ZNF778: variants seen among roughly 807,000 people sequenced by gnomAD.
ZNF778 encodes zinc finger protein 778.
ZNF778 carries 37 observed loss-of-function variants against 23.9 expected under a neutral mutation model. The observed-to-expected ratio is 1.54, with a 90% confidence interval of 1.19 to 2.03. The LOEUF (loss-of-function observed/expected upper bound fraction) is 2.03. Ranked by LOEUF, ZNF778 falls within the 30% of genes most tolerant of loss-of-function variation. The pLI is 0.00. For missense variants in ZNF778, 1,297 were observed against 934.4 expected, an observed-to-expected ratio of 1.39 and a Z score of -5.06; for synonymous variants, 483 against 343.9, an observed-to-expected ratio of 1.40 and a Z score of -4.48.
In ZNF778 at chr16:89,235,841, C is replaced by T. The variant is rs2032218906; in HGVS notation, c.*7279C>T. 1 of 151,914 alleles carries T rather than the reference C, an allele frequency of 6.6e-6. No individual in the cohort carries two copies. The highest frequency in any genetic ancestry group is 1.5e-5 in the Non-Finnish European group (1 of 67,978). 9.4% of individuals were successfully genotyped at this position (151,914 alleles called of 1,614,324 possible). ...CTTAAGTTTGAAGAGGTTCCATGAG[C>T]CCCAGACAGGATAAACCTAAAGAAA... On this transcript the variant is annotated 3_prime_UTR_variant, in exon 7 of 7. Coordinates refer to ENST00000433976, the MANE Select transcript of ZNF778 (RefSeq NM_001201407.2).
chr16:89,223,573 G>A (rs1050348484), intron 4 of ZNF778, among the ~76,000 whole-genome samples: 14 of 152,258 alleles, frequency 9.2e-5, no homozygotes, highest in African/African-American at 3.4e-4. Flanking sequence ...AAGCCCTCCC[G>A]ACGATGCCAA....
rs1208616895 is a variant in ZNF778, at chr16:89,233,758, C to G, written c.*5196C>G. On this transcript the variant is annotated 3_prime_UTR_variant, in exon 7 of 7. Coordinates refer to ENST00000433976, the MANE Select transcript of ZNF778 (RefSeq NM_001201407.2). ...CACTGCATATGCAACTCAACTCGCACTGCGTATGCAACTCAACTCGCACTG... is the reference window on the plus strand; with the variant it reads ...CACTGCATATGCAACTCAACTCGCAGTGCGTATGCAACTCAACTCGCACTG... 1 of 1,237,726 alleles carries G rather than the reference C, an allele frequency of 8.1e-7. No individual in the cohort carries two copies. The highest frequency in any genetic ancestry group is 5.8e-5 in the East Asian group (1 of 17,384). 76.7% of individuals were successfully genotyped at this position (1,237,726 alleles called of 1,614,324 possible).
rs2031887947 is a variant in ZNF778 at position 89,230,903 on chromosome 16, A to G, written c.*2341A>G. 1 of 152,144 alleles carries G rather than the reference A, an allele frequency of 6.6e-6. No individual in the cohort carries two copies. The allele number at this position is 152,144 out of a possible 1,614,324, so 9.4% of individuals were successfully genotyped here. ...CGTCCACCTTCATGTCACGTGTTTG[A>G]AATTCTGGATGGACAGACCCATGCA... On this transcript the variant is annotated 3_prime_UTR_variant, in exon 7 of 7. Coordinates refer to ENST00000433976, the MANE Select transcript of ZNF778 (RefSeq NM_001201407.2).
rs1027396352 is a variant in ZNF778 at position 89,227,986 on chromosome 16, C to T, written c.1698C>T (p.Cys566=). Residue 566 remains cysteine, a synonymous_variant, in exon 7 of 7, where the codon TGC becomes TGT. Transcript: ENST00000433976. ...AGAAGCCCTTTATATGTACGGTATG[C>T]AGGAAATCCTTCAGAAATTCCTCGT... ...TEEKPFICTV[C]RKSFRNSSCL... 15 of 1,589,638 alleles carry T rather than the reference C, an allele frequency of 9.4e-6. No homozygotes were observed. The highest frequency in any genetic ancestry group is 1.3e-5 in the Non-Finnish European group (15 of 1,164,938).
In ZNF778 at chr16:89,229,905, C is replaced by G. The variant is rs1358847772; in HGVS notation, c.*1343C>G. ...TGATCCTGTGTGAGCAGCGTAGGCT[C>G]TGGTTGGTTAGTGTTGAGGATCCAG... On this transcript the variant is annotated 3_prime_UTR_variant, in exon 7 of 7. Transcript: ENST00000433976. 4.1e-6 allele frequency: 4 copies of G among 981,876 alleles called. No individual in the cohort carries two copies. Among genetic ancestry groups the G allele is most frequent in the East Asian group, 2.3e-4 (2 of 8,752 alleles). The allele number at this position is 981,876 out of a possible 1,614,324, so 60.8% of individuals were successfully genotyped here.
chr16:89,234,072 T>G lies in ZNF778; in HGVS notation c.*5510T>G. The G allele has an allele frequency of 7.6e-6, 5 of 661,228 alleles. No homozygotes were observed. The highest frequency in any genetic ancestry group is 1.2e-5 in the Non-Finnish European group (5 of 414,586). The allele number at this position is 661,228 out of a possible 1,614,324, so 41.0% of individuals were successfully genotyped here. A position where few individuals can be genotyped will look rare whatever the true frequency, so the allele number is the denominator to read the frequency against. On this transcript the variant is annotated 3_prime_UTR_variant, in exon 7 of 7. Coordinates refer to ENST00000433976, the MANE Select transcript of ZNF778 (RefSeq NM_001201407.2). The stretch of plus-strand genomic sequence containing the variant: ...TCTGCCTCCTGCCCAGCTCTGCAGC[T>G]CCCCTTGGGCCCTGCCTGGAGTGAT...
Position 89,227,903 on chromosome 16 carries a change from G to T in ZNF778, c.1615G>T (p.Gly539Trp), listed in dbSNP as rs2031643074. The change falls in exon 7 of 7, where the codon GGG (glycine) becomes TGG (tryptophan). Residue 539 changes from glycine to tryptophan, a missense_variant. Physicochemically the swap from Gly to Trp is radical, Grantham distance 184. Coordinates refer to ENST00000433976, the MANE Select transcript of ZNF778 (RefSeq NM_001201407.2). ...GEKPYECKDC[G>W]KAYNRVYLLN... is the part of the protein sequence containing the mutation. ...GAAGCCCTATGAATGTAAGGACTGT[G>T]GGAAAGCCTACAATAGGGTTTATCT... is the stretch of plus-strand genomic sequence containing the variant. The T allele has an allele frequency of 6.2e-7, 1 of 1,614,164 alleles. No homozygotes were observed. The highest frequency in any genetic ancestry group is 8.5e-7 in the Non-Finnish European group (1 of 1,180,018).
chr16:89,224,512 A>C (rs981452159), intron 4 of ZNF778: 1 of 463,622 alleles, frequency 2.2e-6, no homozygotes, highest in Non-Finnish European at 4.0e-6. Context: ...CCAGCTACTT[A>C]GGAGGCTGAG....
intron 1 of ZNF778, among the ~76,000 whole-genome samples, chr16:89,218,742 G>A (rs892247921): frequency 6.6e-6 from 1 of 152,158 alleles, no homozygotes; most frequent in Non-Finnish European, 1.5e-5. Context: ...AGTGAGCCGA[G>A]ATGGCGCCAC....
Position 89,223,263 on chromosome 16 carries a change from A to C in ZNF778, c.224A>C (p.Tyr75Ser), listed in dbSNP as rs768396245. Residue 75 changes from tyrosine to serine, a missense_variant, in exon 4 of 7, where the codon TAC (tyrosine) becomes TCC (serine). Physicochemically the swap from Tyr to Ser is moderately radical, Grantham distance 144. Coordinates refer to ENST00000433976, the MANE Select transcript of ZNF778 (RefSeq NM_001201407.2). ...TACAGAGATGTGATGCTGGAAAACTACGAGAACCTGGCCTCAGTAGGTGAG... is the reference window on the plus strand; with the variant it reads ...TACAGAGATGTGATGCTGGAAAACTCCGAGAACCTGGCCTCAGTAGGTGAG... Reference protein sequence around the residue: ...DLYRDVMLENYENLASVGHHL... With the variant: ...DLYRDVMLENSENLASVGHHL... The C allele has an allele frequency of 1.9e-6, 3 of 1,613,762 alleles. No individual in the cohort carries two copies. The highest frequency in any genetic ancestry group is 2.5e-6 in the Non-Finnish European group (3 of 1,179,932).
intron 1 of ZNF778, among the ~76,000 whole-genome samples, chr16:89,220,241 G>A (rs1448556008): frequency 6.6e-6 from 1 of 152,184 alleles, no homozygotes; most frequent in Non-Finnish European, 1.5e-5. Flanking sequence ...AAGGAGAATG[G>A]ACATGTTTTT....
chr16:89,224,167 G>C (rs1188608324), intron 4 of ZNF778, among the ~76,000 whole-genome samples: 1 of 152,090 alleles, frequency 6.6e-6, no homozygotes, highest in East Asian at 1.9e-4. Flanking sequence ...TAGGAGGCCA[G>C]GCGCAGTGGC....
chr16:89,219,796 A>G (rs149844083), intron 1 of ZNF778, among the ~76,000 whole-genome samples: 2 of 152,172 alleles, frequency 1.3e-5, no homozygotes, highest in South Asian at 4.1e-4. Context: ...TAACGCTGTT[A>G]TATACGTTGC....
rs74033443 is a variant in ZNF778, at chr16:89,227,636, A to G, written c.1348A>G (p.Thr450Ala). ...AACACACACGGGCGAGAAGCCATAC[A>G]CGTGTAAGGACTGCGGGAAAGCCTT... Reference protein sequence around the residue: ...VRTHTGEKPYTCKDCGKAFCT... With the variant: ...VRTHTGEKPYACKDCGKAFCT... The change falls in exon 7 of 7, where the codon ACG (threonine) becomes GCG (alanine). Residue 450 changes from threonine (T) to alanine (A), a missense_variant. Physicochemically the swap from Thr to Ala is moderately conservative, Grantham distance 58 (BLOSUM62 0). Transcript: ENST00000433976. 42,301 of 1,613,986 alleles carry G rather than the reference A, an allele frequency of 0.026. 2,569 individuals carry two copies. Among genetic ancestry groups the G allele is most frequent in the African/African-American group, 0.23 (17,161 of 74,976 alleles).
intron 4 of ZNF778, among the ~76,000 whole-genome samples, chr16:89,224,351 G>A (rs1220067613): frequency 6.6e-6 from 1 of 152,252 alleles, no homozygotes; most frequent in African/African-American, 2.4e-5. Context: ...AGACGCAGTG[G>A]CTCATGCCTG....
In ZNF778 at chr16:89,233,846, A is replaced by G; in HGVS notation, c.*5284A>G. On this transcript the variant is annotated 3_prime_UTR_variant, in exon 7 of 7. Coordinates refer to ENST00000433976, the MANE Select transcript of ZNF778 (RefSeq NM_001201407.2). ...CTGTTGCAAGTACTTATTTCCGGCC[A>G]CTTCCTTTTTCTAACTACCACACCA... 2 of 1,290,158 alleles carry G rather than the reference A, an allele frequency of 1.6e-6. No homozygotes were observed. 79.9% of individuals were successfully genotyped at this position (1,290,158 alleles called of 1,614,324 possible).
intron 5 of ZNF778, 106 bp from the exon 6 acceptor site, chr16:89,225,449 A>T (rs901207696): frequency 2.2e-6 from 2 of 909,182 alleles, no homozygotes; most frequent in Non-Finnish European, 3.3e-6. Flanking sequence ...CACATAGCCA[A>T]ACTCCTTAAA....
At position 89,228,421 on chromosome 16, in the gene ZNF778, T is replaced by C. The variant is rs1182570672; in HGVS notation, c.2133T>C (p.Asn711=). The C allele has an allele frequency of 6.2e-7, 1 of 1,613,960 alleles. No homozygotes were observed. Among genetic ancestry groups the C allele is most frequent in the Admixed American group, 1.7e-5 (1 of 60,006 alleles). The change falls in exon 7 of 7, where the codon AAT becomes AAC. Residue 711 remains asparagine (N), a synonymous_variant. Coordinates refer to ENST00000433976, the MANE Select transcript of ZNF778 (RefSeq NM_001201407.2). ...GTAAGGAATGTGGGAAAGCATACAA[T>C]AGGTTTTATCTACTAAAAGAACATT... ...YKCKECGKAY[N]RFYLLKEHLK...
rs1356103547 is a variant in ZNF778, at chr16:89,235,063, G to T, written c.*6501G>T. ...CAGTTTCTATGTTTTATCCCAAGTT[G>T]CTTAATCCATTTGGAGTTGATTTTT... On this transcript the variant is annotated 3_prime_UTR_variant, in exon 7 of 7. Coordinates refer to ENST00000433976, the MANE Select transcript of ZNF778 (RefSeq NM_001201407.2). 1 of 152,006 alleles carries T rather than the reference G, an allele frequency of 6.6e-6. No individual in the cohort carries two copies. Among genetic ancestry groups the T allele is most frequent in the African/African-American group, 2.4e-5 (1 of 41,354 alleles). 9.4% of individuals were successfully genotyped at this position (152,006 alleles called of 1,614,324 possible). A position where few individuals can be genotyped will look rare whatever the true frequency, so the allele number is the denominator to read the frequency against.
Sources: gnomAD v4.1 joint callset for allele counts (sites outside exome capture counted in the v4.1 genomes callset) on GRCh38, gnomAD v4.1.1 for gene constraint, MANE v1.5 for transcripts, NCBI Gene and HGNC (gene_info 2026-07-23, HGNC 2026-07-21) for gene names.